Variants in LSM6 observed in about 807,000 individuals in gnomAD.
LSM6 encodes LSM6 homolog, U6 small nuclear RNA and mRNA degradation associated.
In LSM6, 2 loss-of-function variants were observed where a neutral mutation model predicts 13.5. That is an observed-to-expected ratio of 0.15 (90% confidence interval 0.06 to 0.47). LSM6 has a LOEUF of 0.47. Ranked by LOEUF, LSM6 falls within the 20% of genes least tolerant of loss-of-function variation. LSM6 has a pLI of 0.97. For synonymous variants in LSM6, 43 were observed against 34.9 expected (o/e 1.23, Z -0.82); for missense variants, 58 against 96.4 (o/e 0.60, Z 1.67).
At chr4:146,178,424 A>C (rs1730157969) in intron 1 of LSM6, among the ~76,000 whole-genome samples, 1 of 152,192 alleles carries the variant, frequency 6.6e-6, no homozygotes, top group Admixed American at 6.5e-5. Context: ...GATTGGTATG[A>C]AGCCTTCAAA....
At chr4:146,182,874 C>A (rs1684706878) in intron 1 of LSM6, 38 bp from the exon 2 acceptor site, 1 of 1,256,332 alleles carries the variant, frequency 8.0e-7, no homozygotes, top group African/African-American at 1.5e-5. Context: ...CAACTTTGGT[C>A]TTTACCTTTT....
In LSM6 at chr4:146,191,396, A is replaced by G. The variant is rs1349382910; in HGVS notation, c.*1740A>G. ...CCTCGCCTTTGATATATAAGTCTTTATTTTCCCCTTGCCATCTCTCTAGTT... is the reference window on the plus strand; with the variant it reads ...CCTCGCCTTTGATATATAAGTCTTTGTTTTCCCCTTGCCATCTCTCTAGTT... On this transcript the variant is annotated 3_prime_UTR_variant, in exon 4 of 4. Coordinates refer to ENST00000296581, the MANE Select transcript of LSM6 (RefSeq NM_007080.3). 4 of 152,064 alleles carry G rather than the reference A, an allele frequency of 2.6e-5. No individual in the cohort carries two copies. Among genetic ancestry groups the G allele is most frequent in the Admixed American group, 6.5e-5 (1 of 15,268 alleles). The allele number at this position is 152,064 out of a possible 1,614,324, so 9.4% of individuals were successfully genotyped here.
chr4:146,180,916 T>C (rs1183240262), intron 1 of LSM6: 2 of 152,380 alleles, frequency 1.3e-5, no homozygotes, highest in East Asian at 3.9e-4. Flanking sequence ...GATTTGTGTA[T>C]TTTCACTAAA....
Position 146,190,344 on chromosome 4 carries a change from A to G in LSM6, c.*688A>G, listed in dbSNP as rs1054458554. The G allele has an allele frequency of 6.6e-6, 1 of 152,364 alleles. No individual in the cohort carries two copies. Among genetic ancestry groups the G allele is most frequent in the African/African-American group, 2.4e-5 (1 of 41,454 alleles). 9.4% of individuals were successfully genotyped at this position (152,364 alleles called of 1,614,324 possible). ...ATCTCCTTATGCAATTAGACTTTTT[A>G]GGTTTCCCTGCTCCCTTTCAGGAGC... On this transcript the variant is annotated 3_prime_UTR_variant, in exon 4 of 4. Coordinates refer to ENST00000296581, the MANE Select transcript of LSM6 (RefSeq NM_007080.3).
chr4:146,186,373 A>C (rs17021203), intron 2 of LSM6, among the ~76,000 whole-genome samples: 6,756 of 152,200 alleles, frequency 0.044, 483 homozygotes, highest in African/African-American at 0.15. Context: ...TAAGACATCA[A>C]ATGAGAAACT....
rs181822962 is a variant in LSM6, at chr4:146,175,778, G to T, written c.-44G>T. On this transcript the variant is annotated 5_prime_UTR_variant, in exon 1 of 4. Transcript: ENST00000296581. ...TCCGCGGCGGCCGGGCTCGTGGGGC[G>T]CCTGGAGTGAGGGTTCTGGTTCCCG... 17 of 152,516 alleles carry T rather than the reference G, an allele frequency of 1.1e-4. No individual in the cohort carries two copies. Among genetic ancestry groups the T allele is most frequent in the South Asian group, 2.1e-4 (1 of 4,834 alleles). The allele number at this position is 152,516 out of a possible 1,614,324, so 9.4% of individuals were successfully genotyped here.
intron 2 of LSM6, chr4:146,183,711 T>C (rs1355874808): frequency 1.3e-5 from 2 of 151,662 alleles, no homozygotes; most frequent in Non-Finnish European, 2.9e-5. Context: ...TACCACAGAC[T>C]GGGTCATTTT....
intron 3 of LSM6, among the ~76,000 whole-genome samples, chr4:146,188,856 C>A (rs1040421316): frequency 3.0e-4 from 43 of 142,308 alleles, no homozygotes; most frequent in African/African-American, 9.7e-4. Context: ...TCTTGTTTAT[C>A]CTGTTGCATT....
rs1730451476 is a variant in LSM6 at position 146,190,686 on chromosome 4, T to A, written c.*1030T>A. 2 of 152,400 alleles carry A rather than the reference T, an allele frequency of 1.3e-5. No homozygotes were observed. Among genetic ancestry groups the A allele is most frequent in the South Asian group, 4.1e-4 (2 of 4,832 alleles). The allele number at this position is 152,400 out of a possible 1,614,324, so 9.4% of individuals were successfully genotyped here. A position where few individuals can be genotyped will look rare whatever the true frequency, so the allele number is the denominator to read the frequency against. Reference sequence around the variant, plus strand: ...TGAGAGGATTTTCACAATTTATTAATGAGCTTTCCACAACCCTGCTTTATT... The same window carrying A: ...TGAGAGGATTTTCACAATTTATTAAAGAGCTTTCCACAACCCTGCTTTATT... On this transcript the variant is annotated 3_prime_UTR_variant, in exon 4 of 4. Coordinates refer to ENST00000296581, the MANE Select transcript of LSM6 (RefSeq NM_007080.3).
intron 3 of LSM6, among the ~76,000 whole-genome samples, chr4:146,189,119 C>T (rs575332579): frequency 6.6e-5 from 10 of 151,734 alleles, no homozygotes; most frequent in Admixed American, 2.6e-4. Context: ...CGTTCTAAGT[C>T]GCTGGGACTA....
intron 1 of LSM6, among the ~76,000 whole-genome samples, chr4:146,179,333 T>G (rs1730181275): frequency 6.6e-6 from 1 of 152,186 alleles, no homozygotes; most frequent in East Asian, 1.9e-4. Context: ...TTTATCCAAT[T>G]TAAAAGATGA....
intron 1 of LSM6, among the ~76,000 whole-genome samples, chr4:146,176,989 T>C (rs891499512): frequency 6.6e-6 from 1 of 152,048 alleles, no homozygotes; most frequent in Non-Finnish European, 1.5e-5. Context: ...TTTACTTGCT[T>C]AAATATTGTG....
chr4:146,182,624 T>G (rs1485199935), intron 1 of LSM6, among the ~76,000 whole-genome samples: 1 of 152,250 alleles, frequency 6.6e-6, no homozygotes. Flanking sequence ...GATAAGTGAT[T>G]AAGAGCAGGT....
At chr4:146,179,955 G>T (rs896188945) in intron 1 of LSM6, among the ~76,000 whole-genome samples, 2 of 152,216 alleles carry the variant, frequency 1.3e-5, no homozygotes, top group African/African-American at 2.4e-5. Context: ...TTGGGAAACT[G>T]ACCCAGAGCC....
rs1384012588 is a variant in LSM6, at chr4:146,190,524, ACT to A, written c.*871_*872del. 6.6e-6 allele frequency: 1 copy of A among 152,192 alleles called. No homozygotes were observed. Among genetic ancestry groups the A allele is most frequent in the Non-Finnish European group, 1.5e-5 (1 of 68,058 alleles). The allele number at this position is 152,192 out of a possible 1,614,324, so 9.4% of individuals were successfully genotyped here. A position where few individuals can be genotyped will look rare whatever the true frequency, so the allele number is the denominator to read the frequency against. On this transcript the variant is annotated 3_prime_UTR_variant, in exon 4 of 4. Transcript: ENST00000296581. ...TGAGATTGGGAAAGAATTTTTCCTA[ACT>A]CTGGTCTAGCAAGTGGCTGTAGGGA...
intron 1 of LSM6, chr4:146,176,479 C>T (rs1197751520): frequency 6.6e-6 from 1 of 152,242 alleles, no homozygotes; most frequent in African/African-American, 2.4e-5. Context: ...TGCCCCACTG[C>T]TCTTAGTAAT....
chr4:146,178,535 T>C (rs1225793099), intron 1 of LSM6, among the ~76,000 whole-genome samples: 2 of 152,270 alleles, frequency 1.3e-5, no homozygotes, highest in Non-Finnish European at 2.9e-5. Context: ...AGTCTAGTGC[T>C]GCAATTACTT....
intron 1 of LSM6, among the ~76,000 whole-genome samples, chr4:146,178,899 T>G (rs1270861477): frequency 6.6e-6 from 1 of 152,238 alleles, no homozygotes; most frequent in Non-Finnish European, 1.5e-5. Flanking sequence ...GCTTGGGCTT[T>G]GGGGTCAGCC....
chr4:146,186,445 A>AGAC (rs1730350807), intron 2 of LSM6, among the ~76,000 whole-genome samples: 2 of 152,132 alleles, frequency 1.3e-5, no homozygotes, highest in African/African-American at 4.8e-5. Context: ...TCTAGGAAAT[A>AGAC]CCACTTTAAA....
Sources: allele counts gnomAD v4.1 joint callset (sites outside exome capture counted in the v4.1 genomes callset), GRCh38; gene constraint gnomAD v4.1.1; transcripts MANE v1.5; gene names NCBI Gene and HGNC (gene_info 2026-07-23, HGNC 2026-07-21).